Variants in ADAR observed in about 807,000 individuals in gnomAD.
ADAR encodes adenosine deaminase RNA specific.
ADAR carries 41 observed loss-of-function variants against 113.2 expected under a neutral mutation model. The ratio of observed to expected loss-of-function variants is 0.36; its 90% CI spans 0.28 to 0.47. The LOEUF (loss-of-function observed/expected upper bound fraction) is 0.47, where lower values mean the gene tolerates loss of function less well. ADAR is among the 20% of genes least tolerant of loss of function. ADAR has a pLI of 1.00. For synonymous variants in ADAR, 605 were observed against 572.6 expected, an observed-to-expected ratio of 1.06 and a Z score of -0.81; for missense variants, 1,242 against 1,540.9, an observed-to-expected ratio of 0.81 and a Z score of 3.25.
chr1:154,586,402 G>A (rs1474998566), intron 11 of ADAR, 39 bp from the exon 12 acceptor site: 2 of 1,604,498 alleles, frequency 1.2e-6, no homozygotes, highest in Non-Finnish European at 1.7e-6. Flanking sequence ...AGGCGCCAAT[G>A]GACCAAACCA....
Position 154,585,785 on chromosome 1 carries a change from G to C in ADAR, c.3283C>G (p.Leu1095Val). The change falls in exon 13 of 15, where the codon CTA becomes GTA. Residue 1095 changes from leucine (L) to valine (V), a missense_variant. By Grantham distance (32) the Leu-to-Val change is conservative. Transcript: ENST00000368474. Reference protein sequence around the residue: ...TRDGSAFEDGLRHPFIVNHPK... With the variant: ...TRDGSAFEDGVRHPFIVNHPK... ...TGGTTGACAATAAAGGGATGTCGTA[G>C]TCCATCCTCAAATGCACTCCCATCT... 1 of 1,613,938 alleles carries C rather than the reference G, an allele frequency of 6.2e-7. No individual in the cohort carries two copies. The highest frequency in any genetic ancestry group is 8.5e-7 in the Non-Finnish European group (1 of 1,179,806).
chr1:154,593,500 G>A (rs1200426164), intron 6 of ADAR, among the ~76,000 whole-genome samples: 2 of 152,174 alleles, frequency 1.3e-5, no homozygotes, highest in Non-Finnish European at 2.9e-5. Context: ...CTCAATGAAT[G>A]GCTGACTTGA....
Position 154,596,893 on chromosome 1 carries a change from C to G in ADAR, c.2182G>C (p.Val728Leu). The change falls in exon 6 of 15, where the codon GTG (valine) becomes CTG (leucine). Residue 728 changes from valine (V) to leucine (L), a missense_variant. By Grantham distance (32) the Val-to-Leu change is conservative. Transcript: ENST00000368474. ...CGGGCGTACTCCAAAAGGCCACCCA[C>G]AGGGTTGGTGTTCAGGTATCTCACG... Reference protein sequence around the residue: ...ELVRYLNTNPVGGLLEYARSH... With the variant: ...ELVRYLNTNPLGGLLEYARSH... 6.2e-7 allele frequency: 1 copy of G among 1,614,164 alleles called. No homozygotes were observed. The highest frequency in any genetic ancestry group is 8.5e-7 in the Non-Finnish European group (1 of 1,180,022).
chr1:154,621,992 C>T (rs1284804053), intron 1 of ADAR, among the ~76,000 whole-genome samples: 5 of 151,996 alleles, frequency 3.3e-5, no homozygotes, highest in Admixed American at 6.6e-5. Context: ...GTGGGTGTGG[C>T]GTGGCTAGGG....
At chr1:154,588,409 T>TACACC in intron 10 of ADAR, 142 bp downstream of exon 10, 1 of 1,486,930 alleles carries the variant, frequency 6.7e-7, no homozygotes, top group Admixed American at 1.7e-5. Context: ...GTGAGTCATC[T>TACACC]ACACCTGAAT....
chr1:154,585,861 G>T lies in ADAR; in HGVS notation c.3207C>A (p.Tyr1069Ter). 1 of 1,613,586 alleles carries T rather than the reference G, an allele frequency of 6.2e-7. No individual in the cohort carries two copies. Among genetic ancestry groups the T allele is most frequent in the Non-Finnish European group, 8.5e-7 (1 of 1,179,638 alleles). Reference sequence around the variant, plus strand: ...GGGTCAGATGCCCTTGGCTGAAAAGGTAACCTGAGTACAAAAAAGAGAAAC... The same window carrying T: ...GGGTCAGATGCCCTTGGCTGAAAAGTTAACCTGAGTACAAAAAAGAGAAAC... ...PIYLKSVTLG[Y>*]LFSQGHLTRA... is the part of the protein sequence containing the mutation. The change falls in exon 13 of 15, where the codon TAC (tyrosine) becomes TAA (stop). Residue 1069 changes from tyrosine to a stop codon, truncating the protein, a stop_gained. Transcript: ENST00000368474. LOFTEE classifies it high-confidence loss of function.
rs776037751 is a variant in ADAR at position 154,590,220 on chromosome 1, G to A, written c.2460C>T (p.Leu820=). The change falls in exon 7 of 15, where the codon CTC becomes CTT. Residue 820 remains leucine (L), a synonymous_variant. Transcript: ENST00000368474. ...VTGASLRRTM[L]LLSRSPEAQP... The stretch of plus-strand genomic sequence containing the variant: ...GTGCTTCTGGGGACCTTGAGAGGAG[G>A]AGCATAGTTCTTCTGAGACTGGCCC... The A allele has an allele frequency of 4.3e-6, 7 of 1,613,326 alleles. No individual in the cohort carries two copies. Among genetic ancestry groups the A allele is most frequent in the African/African-American group, 2.7e-5 (2 of 74,580 alleles).
Position 154,608,097 on chromosome 1 carries a change from CCTCCGCTA to C in ADAR, c.-99_-92del, listed in dbSNP as rs1014030478. 365 of 1,447,946 alleles carry C rather than the reference CCTCCGCTA, an allele frequency of 2.5e-4. 2 individuals are homozygous for C. The highest frequency in any genetic ancestry group is 1.3e-3 in the Admixed American group (45 of 35,670). The allele number at this position is 1,447,946 out of a possible 1,614,324, so 89.7% of individuals were successfully genotyped here. On this transcript the variant is annotated 5_prime_UTR_variant, in exon 1 of 15. Transcript: ENST00000368474. ...GCGCCAGCCCCTCGAGGCCCCCACG[CCTCCGCTA>C]CTCCGCACTGGAAGTGGCCCCGGGG...
chr1:154,606,943 A>ATATATAT (rs575117624), intron 1 of ADAR, among the ~76,000 whole-genome samples: 48 of 36,118 alleles, frequency 1.3e-3, no homozygotes, highest in South Asian at 8.2e-3. Context: ...CTTAAAAAAA[A>ATATATAT]AAAAATATAT....
chr1:154,584,254 T>TACA lies in ADAR; in HGVS notation c.*549_*551dup. 6.5e-6 allele frequency: 1 copy of TACA among 153,856 alleles called. No homozygotes were observed. The highest frequency in any genetic ancestry group is 2.0e-4 in the South Asian group (1 of 4,970). 9.5% of individuals were successfully genotyped at this position (153,856 alleles called of 1,614,324 possible). A position where few individuals can be genotyped will look rare whatever the true frequency, so the allele number is the denominator to read the frequency against. ...AACTGCAGTTTTCAACTCCTACCCT[T>TACA]ACAAATGTTTCACCAAATCCTTTAT... On this transcript the variant is annotated 3_prime_UTR_variant, in exon 15 of 15. Coordinates refer to ENST00000368474, the MANE Select transcript of ADAR (RefSeq NM_001111.5).
At chr1:154,609,416 G>A (rs1390069311), upstream of ADAR, among the ~76,000 whole-genome samples, 1 of 152,174 alleles carries the variant, frequency 6.6e-6, no homozygotes, top group African/African-American at 2.4e-5. Context: ...TTACAAGGCA[G>A]TCCCTTTATA....
At chr1:154,614,606 C>T (rs893339883) in intron 1 of ADAR, among the ~76,000 whole-genome samples, 11 of 152,180 alleles carry the variant, frequency 7.2e-5, no homozygotes, top group African/African-American at 2.4e-4. Flanking sequence ...GCCAATTTGC[C>T]GAAAGTCAGT....
rs902435951 is a variant in ADAR, at chr1:154,602,384, C to G, written c.258G>C (p.Arg86Ser). ...PVLLASSTRG[R>S]QVDIRGVPRG... is the part of the protein sequence containing the mutation. ...TGGGGACACCCCTGATGTCCACTTG[C>G]CTGCCTCTGGTACTGGAGGCAAGTA... Residue 86 changes from arginine to serine, a missense_variant, in exon 2 of 15, where the codon AGG becomes AGC. Physicochemically the swap from Arg to Ser is moderately radical, Grantham distance 110. Transcript: ENST00000368474. 1 of 1,602,482 alleles carries G rather than the reference C, an allele frequency of 6.2e-7. No homozygotes were observed. Among genetic ancestry groups the G allele is most frequent in the Non-Finnish European group, 8.5e-7 (1 of 1,173,274 alleles).
At chr1:154,626,096 A>T (rs1226686105) in intron 1 of ADAR, among the ~76,000 whole-genome samples, 1 of 148,728 alleles carries the variant, frequency 6.7e-6, no homozygotes, top group East Asian at 2.0e-4. Context: ...ATAAAATAAA[A>T]TGAGAAGCTA....
Position 154,597,594 on chromosome 1 carries a change from G to T in ADAR, c.1934+234C>A, listed in dbSNP as rs564977543. 6.6e-5 allele frequency among the ~76,000 whole-genome samples: 10 copies of T among 152,266 alleles called. No homozygotes were observed. In the East Asian group the frequency reaches 1.9e-3, roughly 29 times the overall value. On this transcript the variant is annotated intron_variant, in intron 4 of 14. Transcript: ENST00000368474. ...CAACAGTGAGTGACCTCCAAGCCGT[G>T]AACCTCCCTAGTGCTTATAGAGGAG...
intron 3 of ADAR, 23 bp from the exon 4 acceptor site, chr1:154,597,999 A>G (rs769590643): frequency 1.9e-6 from 3 of 1,610,862 alleles, no homozygotes; most frequent in South Asian, 2.2e-5. Flanking sequence ...AGAGACAAGA[A>G]GAAAACAAAA....
At chr1:154,623,828 C>A (rs1698860013) in intron 1 of ADAR, among the ~76,000 whole-genome samples, 1 of 151,990 alleles carries the variant, frequency 6.6e-6, no homozygotes, top group South Asian at 2.1e-4. Context: ...CATAGTGAAA[C>A]CCCATTTCTA....
chr1:154,609,383 A>G (rs1284646817), upstream of ADAR, among the ~76,000 whole-genome samples: 1 of 152,160 alleles, frequency 6.6e-6, no homozygotes, highest in African/African-American at 2.4e-5. Context: ...TTTAATCTTA[A>G]TTTTACCCCC....
At chr1:154,608,956 C>G (rs953017887), upstream of ADAR, 1 of 152,414 alleles carries the variant, frequency 6.6e-6, no homozygotes, top group Non-Finnish European at 1.5e-5. Context: ...GTAAAAAGTA[C>G]CAAGAGTAGC....
Sources: allele counts gnomAD v4.1 joint callset (sites outside exome capture counted in the v4.1 genomes callset), GRCh38; gene constraint gnomAD v4.1.1; transcripts MANE v1.5; gene names NCBI Gene and HGNC (gene_info 2026-07-23, HGNC 2026-07-21).